The following DPP10 variants were observed in gnomAD, a reference collection of about 807,000 sequenced individuals.
DPP10 encodes the protein inactive dipeptidyl peptidase 10.
DPP10 carries 33 observed loss-of-function variants against 120.9 expected under a neutral mutation model. The ratio of observed to expected loss-of-function variants is 0.27; its 90% confidence interval spans 0.21 to 0.37. The LOEUF is 0.37. Among genes scored for constraint, DPP10 ranks in the 10% least tolerant of loss-of-function variants. DPP10 has a pLI of 1.00. For synonymous variants in DPP10, 337 were observed against 326.1 expected, an observed-to-expected ratio of 1.03 and a Z score of -0.36; for missense variants, 816 against 942.8, an observed-to-expected ratio of 0.87 and a Z score of 1.76.
chr2:114,666,634 G>A (rs1006578775), intron 1 of DPP10, among the ~76,000 whole-genome samples: 1 of 152,180 alleles, frequency 6.6e-6, no homozygotes, highest in African/African-American at 2.4e-5. Context: ...GACTGAGACA[G>A]AGAGACATAG....
chr2:114,759,452 G>A (rs560376611), intron 1 of DPP10, among the ~76,000 whole-genome samples: 2 of 151,340 alleles, frequency 1.3e-5, no homozygotes, highest in Admixed American at 6.7e-5. Flanking sequence ...AGTCCAAGAC[G>A]GGTGCTGTAA....
intron 1 of DPP10, among the ~76,000 whole-genome samples, chr2:114,459,185 T>C (rs1288954497): frequency 6.6e-6 from 1 of 152,220 alleles, no homozygotes; most frequent in Non-Finnish European, 1.5e-5. Flanking sequence ...TGGTTGCCGT[T>C]CCCTATATCA....
At chr2:115,571,949 A>G (rs898508136) in intron 5 of DPP10, among the ~76,000 whole-genome samples, 4 of 151,942 alleles carry the variant, frequency 2.6e-5, no homozygotes, top group Non-Finnish European at 5.9e-5. Flanking sequence ...ATTACGGACC[A>G]TTTTTCTATT....
At chr2:115,025,613 T>A (rs553710628) in intron 1 of DPP10, among the ~76,000 whole-genome samples, 5 of 152,252 alleles carry the variant, frequency 3.3e-5, no homozygotes. Context: ...ATAATTTACA[T>A]TCCCACCAAC....
chr2:114,795,045 G>T (rs190497331), intron 1 of DPP10, among the ~76,000 whole-genome samples: 1 of 152,108 alleles, frequency 6.6e-6, no homozygotes, highest in Non-Finnish European at 1.5e-5. Context: ...TTACTTTCAG[G>T]GTCATGACTT....
chr2:114,820,020 A>G (rs971859110), intron 1 of DPP10, among the ~76,000 whole-genome samples: 2 of 152,216 alleles, frequency 1.3e-5, no homozygotes, highest in African/African-American at 2.4e-5. Context: ...CCTTTTCAAC[A>G]TTTGGTAATT....
intron 1 of DPP10, among the ~76,000 whole-genome samples, chr2:115,017,953 A>G (rs1339430196): frequency 6.6e-6 from 1 of 152,026 alleles, no homozygotes; most frequent in African/African-American, 2.4e-5. Context: ...GTATACATAT[A>G]TAACAAACCT....
intron 5 of DPP10, among the ~76,000 whole-genome samples, chr2:115,551,484 G>C (rs1490167311): frequency 6.6e-6 from 1 of 152,076 alleles, no homozygotes; most frequent in Non-Finnish European, 1.5e-5. Flanking sequence ...TCTCAAAGCT[G>C]TTGATCATTT....
At chr2:114,526,698 A>T (rs1685528568) in intron 1 of DPP10, among the ~76,000 whole-genome samples, 1 of 152,104 alleles carries the variant, frequency 6.6e-6, no homozygotes, top group African/African-American at 2.4e-5. Context: ...GTGTCCTCGC[A>T]TGATGGAAGG....
At chr2:114,487,829 T>C (rs1003783880) in intron 1 of DPP10, among the ~76,000 whole-genome samples, 1 of 152,030 alleles carries the variant, frequency 6.6e-6, no homozygotes, top group African/African-American at 2.4e-5. Flanking sequence ...TATCAATATC[T>C]AAAAAGAAAA....
intron 1 of DPP10, among the ~76,000 whole-genome samples, chr2:114,915,444 A>G (rs1307922132): frequency 6.6e-6 from 1 of 152,238 alleles, no homozygotes; most frequent in Non-Finnish European, 1.5e-5. Context: ...ATCATCAGGC[A>G]TAAAATGAAT....
chr2:115,502,058 G>A (rs1263691119), intron 4 of DPP10, among the ~76,000 whole-genome samples: 1 of 151,908 alleles, frequency 6.6e-6, no homozygotes, highest in Non-Finnish European at 1.5e-5. Context: ...CTGTTCTATA[G>A]TAAGACATAT....
At chr2:114,801,273 A>AAAAAAAG (rs1558755415) in intron 1 of DPP10, among the ~76,000 whole-genome samples, 67 of 77,814 alleles carry the variant, frequency 8.6e-4, no homozygotes, top group African/African-American at 2.2e-3. Flanking sequence ...AAAAAAAAAA[A>AAAAAAAG]AAAAAAGAAA....
intron 1 of DPP10, among the ~76,000 whole-genome samples, chr2:115,306,738 A>G (rs2061374537): frequency 1.3e-5 from 2 of 152,138 alleles, no homozygotes; most frequent in African/African-American, 4.8e-5. Flanking sequence ...CACTTTATGA[A>G]CAGAAAAATA....
intron 3 of DPP10, among the ~76,000 whole-genome samples, chr2:115,364,499 T>G (rs560576554): frequency 8.5e-5 from 13 of 152,220 alleles, no homozygotes; most frequent in Admixed American, 4.6e-4. Context: ...AAACCATGTC[T>G]TTTTTACATG....
At chr2:114,773,921 C>G (rs940278024) in intron 1 of DPP10, among the ~76,000 whole-genome samples, 2 of 151,666 alleles carry the variant, frequency 1.3e-5, no homozygotes, top group African/African-American at 4.8e-5. Context: ...AAATAGATAT[C>G]AAAAAGTATA....
At chr2:115,747,594 C>CTTTTTTTTTTTTTTTTTTTTTTT (rs3980905) in intron 10 of DPP10, among the ~76,000 whole-genome samples, 8 of 141,226 alleles carry the variant, frequency 5.7e-5, no homozygotes, top group Non-Finnish European at 4.6e-5. Flanking sequence ...ATCCCCTTGT[C>CTTTTTTTTTTTTTTTTTTTTTTT]TTTTTTTTTT....
chr2:115,685,434 T>TA (rs770691544), intron 5 of DPP10, among the ~76,000 whole-genome samples: 1 of 152,004 alleles, frequency 6.6e-6, no homozygotes, highest in African/African-American at 2.4e-5. Context: ...GAGTTTTCCA[T>TA]ACCAATGTAA....
intron 3 of DPP10, among the ~76,000 whole-genome samples, chr2:115,368,979 T>A (rs1222776580): frequency 6.6e-6 from 1 of 152,006 alleles, no homozygotes; most frequent in East Asian, 1.9e-4. Flanking sequence ...TCAAGAAAAT[T>A]GACCATTTTC....
Sources: allele counts gnomAD v4.1 joint callset (sites outside exome capture counted in the v4.1 genomes callset), GRCh38; gene constraint gnomAD v4.1.1; transcripts MANE v1.5; gene names NCBI Gene and HGNC (gene_info 2026-07-23, HGNC 2026-07-21).